Variants in WDPCP observed in about 807,000 individuals in gnomAD.
The protein encoded by WDPCP is WD repeat-containing and planar cell polarity effector protein fritz homolog.
In WDPCP, 71 loss-of-function variants were observed where a neutral mutation model predicts 93.1. That is an observed-to-expected ratio of 0.76 (90% CI 0.63 to 0.93). The LOEUF is 0.93. WDPCP is among the 40% of genes least tolerant of loss of function. WDPCP has a pLI of 0.00. For missense variants in WDPCP, 844 were observed against 887.4 expected (o/e 0.95, Z 0.62); for synonymous variants, 315 against 315.0 (o/e 1.00, Z 0.00).
upstream of WDPCP, among the ~76,000 whole-genome samples, chr2:63,829,454 A>T (rs545110962): frequency 6.6e-6 from 1 of 152,092 alleles, no homozygotes; most frequent in Non-Finnish European, 1.5e-5. Context: ...TTTTTTAACA[A>T]ATTGACTCTA....
rs1574665676 is a variant in WDPCP at position 63,127,139 on chromosome 2, T to C, written c.2191-5083A>G. On this transcript the variant is annotated intron_variant, in intron 17 of 17. Coordinates refer to ENST00000272321, the MANE Select transcript of WDPCP (RefSeq NM_015910.7). ...TATTTAACTTTTTTTTTTTTTTTTT[T>C]TGAGATGGAGTCTCGCTCTGTCACT... Among the ~76,000 whole-genome samples, 5 of 144,598 alleles carry C rather than the reference T, an allele frequency of 3.5e-5. No homozygotes were observed. The East Asian group carries it at 9.9e-4, about 29-fold the overall frequency. The allele number at this position is 144,598 out of a possible 152,430, so 94.9% of individuals were successfully genotyped here. A position where few individuals can be genotyped will look rare whatever the true frequency, so the allele number is the denominator to read the frequency against.
chr2:63,629,682 C>T (rs1709844641), intron 3 of WDPCP, among the ~76,000 whole-genome samples: 1 of 152,206 alleles, frequency 6.6e-6, no homozygotes, highest in Admixed American at 6.5e-5. Flanking sequence ...AACTTCCACT[C>T]CCACCCAGCA....
At chr2:63,431,390 T>A (rs898985728) in intron 9 of WDPCP, among the ~76,000 whole-genome samples, 4 of 152,172 alleles carry the variant, frequency 2.6e-5, no homozygotes, top group African/African-American at 9.6e-5. Context: ...TCTTTTCTGA[T>A]AGAACCTAGA....
chr2:63,405,017 T>C (rs1694459590), intron 9 of WDPCP, among the ~76,000 whole-genome samples: 1 of 152,182 alleles, frequency 6.6e-6, no homozygotes, highest in African/African-American at 2.4e-5. Flanking sequence ...TTTAGTAATA[T>C]CATATGGTTA....
chr2:63,446,288 C>A (rs1231628742), intron 6 of WDPCP, among the ~76,000 whole-genome samples: 2 of 152,008 alleles, frequency 1.3e-5, no homozygotes, highest in East Asian at 3.9e-4. Context: ...GCTCTACCCC[C>A]TGTCAGATCA....
chr2:63,485,967 A>G (rs565469691), intron 4 of WDPCP, among the ~76,000 whole-genome samples: 1 of 151,888 alleles, frequency 6.6e-6, no homozygotes, highest in Non-Finnish European at 1.5e-5. Context: ...CTACTAATAC[A>G]TTATTTTTTA....
At chr2:63,395,063 CATA>C (rs1693598265) in intron 10 of WDPCP, among the ~76,000 whole-genome samples, 1 of 151,952 alleles carries the variant, frequency 6.6e-6, no homozygotes, top group South Asian at 2.1e-4. Flanking sequence ...GGTGTATTGA[CATA>C]ATGACCTACT....
chr2:63,731,182 T>A (rs1669555508), intron 2 of WDPCP, among the ~76,000 whole-genome samples: 1 of 149,980 alleles, frequency 6.7e-6, no homozygotes, highest in African/African-American at 2.5e-5. Context: ...GGCAGGAGAA[T>A]CACTTGAATC....
intron 2 of WDPCP, among the ~76,000 whole-genome samples, chr2:63,662,639 CAGAGAGAGAGAG>C (rs3077036): frequency 1.4e-5 from 2 of 147,200 alleles, no homozygotes; most frequent in South Asian, 2.2e-4. Context: ...TCATCTCTTC[CAGAGAGAGAGAG>C]AGAGAGAGAG....
Position 63,121,603 on chromosome 2 carries a change from C to G in WDPCP, c.*403G>C, listed in dbSNP as rs1669553888. ...CAGGCTAGTCTTGAACTCCTGGGCTCAAGTGATCCTTCAGCCTTGGCCTCC... is the reference window on the plus strand; with the variant it reads ...CAGGCTAGTCTTGAACTCCTGGGCTGAAGTGATCCTTCAGCCTTGGCCTCC... On this transcript the variant is annotated 3_prime_UTR_variant, in exon 18 of 18. Transcript: ENST00000272321. The G allele has an allele frequency of 5.7e-6, 1 of 176,844 alleles. No individual in the cohort carries two copies. Among genetic ancestry groups the G allele is most frequent in the Admixed American group, 5.8e-5 (1 of 17,382 alleles). 11.0% of individuals were successfully genotyped at this position (176,844 alleles called of 1,614,324 possible).
chr2:63,563,262 T>C (rs1286177165), intron 1 of WDPCP, among the ~76,000 whole-genome samples: 4 of 151,954 alleles, frequency 2.6e-5, no homozygotes, highest in African/African-American at 9.7e-5. Context: ...CTACTACTAA[T>C]TCACTAGTCT....
chr2:63,332,851 C>T (rs1237554710), intron 12 of WDPCP, among the ~76,000 whole-genome samples: 1 of 152,118 alleles, frequency 6.6e-6, no homozygotes, highest in Non-Finnish European at 1.5e-5. Flanking sequence ...TCAGGTGATC[C>T]TCCCACCTTA....
At chr2:63,693,148 C>A (rs954721761) in intron 2 of WDPCP, among the ~76,000 whole-genome samples, 5 of 152,076 alleles carry the variant, frequency 3.3e-5, no homozygotes, top group African/African-American at 4.8e-5. Flanking sequence ...TGCATTCACT[C>A]ATCAGAAAAT....
At chr2:63,575,401 A>G (rs371609763) in intron 1 of WDPCP, among the ~76,000 whole-genome samples, 666 of 21,430 alleles carry the variant, frequency 0.031, 55 homozygotes, top group East Asian at 0.09. Context: ...TATATACAGT[A>G]TATATACAGT....
chr2:63,558,811 C>T (rs1294910099), intron 1 of WDPCP, among the ~76,000 whole-genome samples: 3 of 151,644 alleles, frequency 2.0e-5, no homozygotes, highest in Non-Finnish European at 4.4e-5. Flanking sequence ...ACCAAAAAAA[C>T]GCCAGGACCA....
At chr2:63,365,961 A>T (rs1050967941) in intron 12 of WDPCP, among the ~76,000 whole-genome samples, 1 of 152,166 alleles carries the variant, frequency 6.6e-6, no homozygotes, top group Non-Finnish European at 1.5e-5. Context: ...AACTTGGAAA[A>T]TTTTGAACCC....
chr2:63,238,465 C>T (rs540767487), intron 14 of WDPCP, among the ~76,000 whole-genome samples: 2 of 151,988 alleles, frequency 1.3e-5, no homozygotes, highest in Non-Finnish European at 2.9e-5. Context: ...ATGTGTACAA[C>T]GACTTGGGTA....
intron 12 of WDPCP, among the ~76,000 whole-genome samples, chr2:63,314,360 A>G (rs1280252502): frequency 6.6e-6 from 1 of 151,732 alleles, no homozygotes; most frequent in Non-Finnish European, 1.5e-5. Flanking sequence ...GTAGAGATGG[A>G]GTTTTTGCCA....
intron 2 of WDPCP, among the ~76,000 whole-genome samples, chr2:63,697,781 G>T (rs1558886785): frequency 6.6e-6 from 1 of 151,496 alleles, no homozygotes; most frequent in Admixed American, 6.6e-5. Context: ...TGGAGTAGCT[G>T]GGACTACAGG....
Sources: allele counts gnomAD v4.1 joint callset (sites outside exome capture counted in the v4.1 genomes callset), GRCh38; gene constraint gnomAD v4.1.1; transcripts MANE v1.5; gene names NCBI Gene and HGNC (gene_info 2026-07-23, HGNC 2026-07-21).